Variants in SESTD1 observed in about 807,000 individuals in gnomAD.
The protein encoded by SESTD1 is SEC14 domain and spectrin repeat-containing protein 1.
Under a neutral mutation model 101.7 loss-of-function variants are expected in SESTD1, and 43 were observed. That is an observed-to-expected ratio of 0.42 (90% CI 0.33 to 0.55). SESTD1 has a LOEUF of 0.55. Ranked by LOEUF, SESTD1 falls within the 20% of genes least tolerant of loss-of-function variation. SESTD1 has a pLI of 0.07. For missense variants in SESTD1, 647 were observed against 815.1 expected (o/e 0.79, Z 2.51); for synonymous variants, 283 against 286.8 (o/e 0.99, Z 0.13).
At chr2:179,120,100 C>T (rs2044714907) in intron 13 of SESTD1, among the ~76,000 whole-genome samples, 1 of 151,832 alleles carries the variant, frequency 6.6e-6, no homozygotes. Flanking sequence ...GCAGTGGCAC[C>T]CGCCTATAGT....
At chr2:179,253,517 T>G (rs938386296) in intron 1 of SESTD1, among the ~76,000 whole-genome samples, 7 of 152,116 alleles carry the variant, frequency 4.6e-5, no homozygotes, top group South Asian at 2.1e-4. Flanking sequence ...CCAAAATTAT[T>G]CTAAAACAAA....
rs540512403 is a variant in SESTD1 at position 179,214,895 on chromosome 2, A to T, written c.-25-23029T>A. Among the ~76,000 whole-genome samples the T allele has an allele frequency of 8.1e-5, 11 of 135,412 alleles. No individual in the cohort carries two copies. In the East Asian group the frequency reaches 1.4e-3, roughly 17 times the overall value. 88.8% of individuals were successfully genotyped at this position (135,412 alleles called of 152,430 possible). On this transcript the variant is annotated intron_variant, in intron 1 of 17. Coordinates refer to ENST00000428443, the MANE Select transcript of SESTD1 (RefSeq NM_178123.5). ...TCCTGCTCCTGAATGACTACTGGGT[A>T]AATAAGGAAATGAAGGCAGAAATAA...
chr2:179,247,710 G>C (rs768161392), intron 1 of SESTD1, among the ~76,000 whole-genome samples: 1 of 151,876 alleles, frequency 6.6e-6, no homozygotes, highest in Non-Finnish European at 1.5e-5. Context: ...AAAGGGCTAG[G>C]GTTATAGGCA....
intron 9 of SESTD1, among the ~76,000 whole-genome samples, chr2:179,143,181 T>A (rs777684146): frequency 1.7e-4 from 26 of 152,138 alleles, no homozygotes; most frequent in Non-Finnish European, 3.2e-4. Context: ...AATTTGATAT[T>A]AGAATCATTT....
chr2:179,213,274 T>C lies in SESTD1; in HGVS notation c.-25-21408A>G, dbSNP rs1251734430. Reference sequence around the variant, plus strand: ...GAAAAAACGTTAGACAAATGGCTAATTAGAATAAACAGTATAGAGAAGACC... The same window carrying C: ...GAAAAAACGTTAGACAAATGGCTAACTAGAATAAACAGTATAGAGAAGACC... On this transcript the variant is annotated intron_variant, in intron 1 of 17. Transcript: ENST00000428443. Among the ~76,000 whole-genome samples the C allele has an allele frequency of 2.2e-5, 3 of 134,290 alleles. 1 individual carries two copies. Among genetic ancestry groups the C allele is most frequent in the Admixed American group, 1.4e-4 (2 of 13,814 alleles). 88.1% of individuals were successfully genotyped at this position (134,290 alleles called of 152,430 possible).
chr2:179,227,339 A>G (rs2046902830), intron 1 of SESTD1, among the ~76,000 whole-genome samples: 1 of 152,130 alleles, frequency 6.6e-6, no homozygotes, highest in Non-Finnish European at 1.5e-5. Context: ...TTCCTAGTAC[A>G]TTCTCAAAAT....
At chr2:179,187,370 A>C (rs1056174822) in intron 2 of SESTD1, among the ~76,000 whole-genome samples, 4 of 152,226 alleles carry the variant, frequency 2.6e-5, no homozygotes, top group Non-Finnish European at 5.9e-5. Context: ...CATGCCTATA[A>C]TCTCAGCAAT....
chr2:179,191,531 T>C (rs951089056), intron 2 of SESTD1, among the ~76,000 whole-genome samples: 4 of 152,066 alleles, frequency 2.6e-5, no homozygotes, highest in South Asian at 2.1e-4. Flanking sequence ...CTTAGTATCA[T>C]GTAATATACC....
At chr2:179,248,596 A>T (rs2047267287) in intron 1 of SESTD1, among the ~76,000 whole-genome samples, 1 of 152,152 alleles carries the variant, frequency 6.6e-6, no homozygotes, top group Non-Finnish European at 1.5e-5. Context: ...TCAACAAGCT[A>T]AAGGAGGTAA....
intron 2 of SESTD1, among the ~76,000 whole-genome samples, chr2:179,187,938 A>G (rs1286995517): frequency 1.3e-5 from 2 of 152,230 alleles, no homozygotes; most frequent in African/African-American, 2.4e-5. Flanking sequence ...TCATAAAAAA[A>G]GTAATTCTGG....
chr2:179,173,744 CATA>C (rs1395555289), intron 4 of SESTD1, among the ~76,000 whole-genome samples: 1 of 152,114 alleles, frequency 6.6e-6, no homozygotes, highest in Non-Finnish European at 1.5e-5. Context: ...CTTTGCAGGC[CATA>C]ATGTCTCTAT....
rs573742690 is a variant in SESTD1, at chr2:179,180,150, C to G, written c.164+2930G>C. Among the ~76,000 whole-genome samples the G allele has an allele frequency of 2.0e-5, 3 of 152,226 alleles. No homozygotes were observed. In the East Asian group the frequency reaches 5.8e-4, roughly 29 times the overall value. On this transcript the variant is annotated intron_variant, in intron 3 of 17. Coordinates refer to ENST00000428443, the MANE Select transcript of SESTD1 (RefSeq NM_178123.5). ...AGGGCCAACCTGTGTAGAAAAGAGT[C>G]AAGAAATGCTTCCATTCTCAACTGT...
intron 1 of SESTD1, among the ~76,000 whole-genome samples, chr2:179,192,071 T>C (rs1016594489): frequency 6.6e-6 from 1 of 152,146 alleles, no homozygotes; most frequent in Non-Finnish European, 1.5e-5. Flanking sequence ...TAAAAACCAA[T>C]ACCACCTCCC....
At position 179,110,282 on chromosome 2, in the gene SESTD1, T is replaced by C. The variant is rs538408183; in HGVS notation, c.1962-254A>G. 2.0e-5 allele frequency among the ~76,000 whole-genome samples: 3 copies of C among 152,302 alleles called. No homozygotes were observed. The South Asian group carries it at 6.2e-4, about 32-fold the overall frequency. On this transcript the variant is annotated intron_variant, in intron 17 of 17. Transcript: ENST00000428443. ...ATAAAGGTTATATCATGTGTAGTTA[T>C]GATAATAGCAACAAATTGAACAATG...
In SESTD1 at chr2:179,125,760, A is replaced by T. The variant is rs368314098; in HGVS notation, c.973-1202T>A. On this transcript the variant is annotated intron_variant, in intron 10 of 17. Coordinates refer to ENST00000428443, the MANE Select transcript of SESTD1 (RefSeq NM_178123.5). ...GATCATTTATGTTTTTTTCACTATC[A>T]GTCTCCAATTCCCTTTTCACTTCTT... is the stretch of plus-strand genomic sequence containing the variant. Among the ~76,000 whole-genome samples the T allele has an allele frequency of 1.0e-3, 157 of 152,250 alleles. 3 individuals carry two copies. The South Asian group carries it at 0.027, about 26-fold the overall frequency.
At chr2:179,254,240 A>C (rs2047360053) in intron 1 of SESTD1, among the ~76,000 whole-genome samples, 1 of 152,210 alleles carries the variant, frequency 6.6e-6, no homozygotes, top group Non-Finnish European at 1.5e-5. Flanking sequence ...GTAGAGGATT[A>C]ATGAGAAAAA....
intron 8 of SESTD1, 114 bp from the exon 9 acceptor site, chr2:179,143,917 C>A: frequency 9.6e-7 from 1 of 1,043,518 alleles, no homozygotes; most frequent in Non-Finnish European, 1.4e-6. Flanking sequence ...TACATATCTA[C>A]CAGGTTATAA....
rs2046555853 is a variant in SESTD1 at position 179,203,874 on chromosome 2, C to T, written c.-25-12008G>A. On this transcript the variant is annotated intron_variant, in intron 1 of 17. Coordinates refer to ENST00000428443, the MANE Select transcript of SESTD1 (RefSeq NM_178123.5). ...CTTGGTCCCTAGAGTTGAGTCCAGC[C>T]TGGGCAACATAGCAAGATCCCTGTC... Among the ~76,000 whole-genome samples the T allele has an allele frequency of 1.5e-5, 2 of 133,836 alleles. 1 individual carries two copies. The highest frequency in any genetic ancestry group is 6.0e-5 in the African/African-American group (2 of 33,608). The allele number at this position is 133,836 out of a possible 152,430, so 87.8% of individuals were successfully genotyped here. A position where few individuals can be genotyped will look rare whatever the true frequency, so the allele number is the denominator to read the frequency against.
At chr2:179,114,708 G>A (rs915535600) in intron 16 of SESTD1, among the ~76,000 whole-genome samples, 2 of 152,026 alleles carry the variant, frequency 1.3e-5, no homozygotes, top group African/African-American at 4.8e-5. Flanking sequence ...AATAGCAGTT[G>A]CCAAAGCAAA....
Sources: allele counts gnomAD v4.1 joint callset (sites outside exome capture counted in the v4.1 genomes callset), GRCh38; gene constraint gnomAD v4.1.1; transcripts MANE v1.5; gene names NCBI Gene and HGNC (gene_info 2026-07-23, HGNC 2026-07-21).